PLXND1: variants seen among roughly 807,000 people sequenced by gnomAD.
PLXND1 encodes the protein plexin D1.
In PLXND1, 54 loss-of-function variants were observed where a neutral mutation model predicts 197.7. The observed-to-expected ratio is 0.27, with a 90% CI of 0.22 to 0.34. PLXND1 has a LOEUF of 0.34. Ranked by LOEUF, PLXND1 falls within the 10% of genes least tolerant of loss-of-function variation. PLXND1 has a pLI of 1.00. For missense variants in PLXND1, 2,127 were observed against 2,699.2 expected, an observed-to-expected ratio of 0.79 and a Z score of 4.70; for synonymous variants, 1,180 against 1,161.2, an observed-to-expected ratio of 1.02 and a Z score of -0.33.
intron 8 of PLXND1, among the ~76,000 whole-genome samples, chr3:129,583,289 C>T (rs1172616556): frequency 3.3e-5 from 5 of 152,070 alleles, no homozygotes; most frequent in East Asian, 1.9e-4. Context: ...GCCACACTAC[C>T]AGCCCAACAG....
chr3:129,575,215 C>G (rs1210162335), intron 11 of PLXND1, among the ~76,000 whole-genome samples: 1 of 152,224 alleles, frequency 6.6e-6, no homozygotes, highest in Non-Finnish European at 1.5e-5. Flanking sequence ...ACAAGCTCTG[C>G]AGAGGGACTG....
chr3:129,560,937 G>A, intron 29 of PLXND1: 1 of 672,724 alleles, frequency 1.5e-6, no homozygotes. Context: ...AGACGCATGG[G>A]GAGACTGAGT....
At chr3:129,578,974 G>A (rs1458255520) in intron 8 of PLXND1, among the ~76,000 whole-genome samples, 3 of 152,174 alleles carry the variant, frequency 2.0e-5, no homozygotes, top group East Asian at 1.9e-4. Context: ...AGATACCACC[G>A]GTCTCCAGGG....
At chr3:129,596,818 G>A (rs2085631801) in intron 1 of PLXND1, among the ~76,000 whole-genome samples, 1 of 152,200 alleles carries the variant, frequency 6.6e-6, no homozygotes, top group Non-Finnish European at 1.5e-5. Context: ...TGGTCCCAGA[G>A]TCATCGCACG....
At chr3:129,588,489 A>G (rs2085491851) in intron 2 of PLXND1, among the ~76,000 whole-genome samples, 1 of 152,134 alleles carries the variant, frequency 6.6e-6, no homozygotes, top group Non-Finnish European at 1.5e-5. Context: ...TCTGACCCCA[A>G]ACCACGAGCC....
chr3:129,567,507 G>A lies in PLXND1; in HGVS notation c.4071C>T (p.Arg1357=), dbSNP rs1294786180. The A allele has an allele frequency of 3.7e-6, 6 of 1,600,014 alleles. No homozygotes were observed. Among genetic ancestry groups the A allele is most frequent in the South Asian group, 3.3e-5 (3 of 89,704 alleles). The change falls in exon 22 of 36, where the codon CGC becomes CGT. Residue 1357 remains arginine (R), a synonymous_variant. Coordinates refer to ENST00000324093, the MANE Select transcript of PLXND1 (RefSeq NM_015103.3). ...PFLEYKHFVT[R]TFFPKCSSLY... Reference sequence around the variant, plus strand: ...TCGGGCTGACCTTGGGGAAGAAGGTGCGGGTCACGAAGTGCTTATACTCCA... The same window carrying A: ...TCGGGCTGACCTTGGGGAAGAAGGTACGGGTCACGAAGTGCTTATACTCCA...
intron 1 of PLXND1, among the ~76,000 whole-genome samples, chr3:129,600,954 C>T (rs891948239): frequency 5.3e-5 from 8 of 152,080 alleles, no homozygotes; most frequent in Admixed American, 2.0e-4. Flanking sequence ...CTGACATTGG[C>T]CTGTCGGTAT....
At position 129,560,356 on chromosome 3, in the gene PLXND1, A is replaced by G; in HGVS notation, c.5107T>C (p.Tyr1703His). 14 of 1,613,416 alleles carry G rather than the reference A, an allele frequency of 8.7e-6. No individual in the cohort carries two copies. Among genetic ancestry groups the G allele is most frequent in the Non-Finnish European group, 1.2e-5 (14 of 1,179,340 alleles). Reference protein sequence around the residue: ...SHRKKVLPEIYLTRLLSTKGT... With the variant: ...SHRKKVLPEIHLTRLLSTKGT... ...TTGGTGGAGAGCAGGCGGGTCAGGT[A>G]GATTTCCGGGAGCACCTTCTTGCGA... The change falls in exon 31 of 36, where the codon TAC (tyrosine) becomes CAC (histidine). Residue 1703 changes from tyrosine (Y) to histidine (H), a missense_variant. Transcript: ENST00000324093.
At chr3:129,572,543 C>T (rs2085249375) in intron 15 of PLXND1, 66 bp downstream of exon 15, 2 of 1,367,904 alleles carry the variant, frequency 1.5e-6, no homozygotes, top group South Asian at 1.7e-5. Context: ...TCACCTCCAG[C>T]CCGCCAGCCC....
At chr3:129,568,611 C>T (rs145909997) in intron 20 of PLXND1, among the ~76,000 whole-genome samples, 34 of 152,284 alleles carry the variant, frequency 2.2e-4, no homozygotes, top group Middle Eastern at 3.4e-3. Flanking sequence ...TACAGTGGCG[C>T]GATCACATCT....
At chr3:129,583,729 C>T in intron 7 of PLXND1, 60 bp from the exon 8 acceptor site, 2 of 1,146,650 alleles carry the variant, frequency 1.7e-6, no homozygotes, top group Non-Finnish European at 2.6e-6. Flanking sequence ...ATCCCTGTCC[C>T]AGGAACTAGA....
rs539048805 is a variant in PLXND1 at position 129,565,330 on chromosome 3, G to A, written c.4521+10C>T. The A allele has an allele frequency of 9.3e-6, 15 of 1,611,966 alleles. No homozygotes were observed. The highest frequency in any genetic ancestry group is 1.3e-5 in the Non-Finnish European group (15 of 1,178,370). On this transcript the variant is annotated intron_variant, in intron 25 of 35. Coordinates refer to ENST00000324093, the MANE Select transcript of PLXND1 (RefSeq NM_015103.3). Reference sequence around the variant, plus strand: ...CCGCCTGGGCTCTGTCTGTCCCCAGGCAGCCTCACCCGCAGACAGCTGTAC... The same window carrying A: ...CCGCCTGGGCTCTGTCTGTCCCCAGACAGCCTCACCCGCAGACAGCTGTAC...
At chr3:129,562,641 T>A in intron 27 of PLXND1, 146 bp downstream of exon 27, 1 of 687,296 alleles carries the variant, frequency 1.5e-6, no homozygotes, top group South Asian at 2.1e-5. Context: ...GAGTAAGAGC[T>A]TCTTGCTGAG....
chr3:129,572,785 G>GC (rs2085254870), intron 14 of PLXND1, 37 bp from the exon 15 acceptor site: 1 of 1,607,494 alleles, frequency 6.2e-7, no homozygotes, highest in Non-Finnish European at 8.5e-7. Flanking sequence ...CCTCGGGCCA[G>GC]CCCCCGGGAG....
At chr3:129,566,501 C>T in intron 23 of PLXND1, 26 bp downstream of exon 23, 1 of 1,413,152 alleles carries the variant, frequency 7.1e-7, no homozygotes. Flanking sequence ...AAGCAGCCCA[C>T]TGTGTGTGGG....
In PLXND1 at chr3:129,572,908, T is replaced by G. The variant is rs2244708; in HGVS notation, c.2871A>C (p.Pro957=). The change falls in exon 14 of 36, where the codon CCA becomes CCC. Residue 957 remains proline, a synonymous_variant. Transcript: ENST00000324093. ...IVCVTGPAPG[P]LSGVVTVNAS... is the part of the protein sequence containing the mutation. ...CGTTCACGGTCACCACACCTGAGAG[T>G]GGTCCTGGGGCTGGCCCTGTGACAC... The G allele has an allele frequency of 2.5e-6, 4 of 1,613,218 alleles. No homozygotes were observed. Among genetic ancestry groups the G allele is most frequent in the Non-Finnish European group, 3.4e-6 (4 of 1,179,662 alleles).
At chr3:129,599,933 TC>T (rs2085683086) in intron 1 of PLXND1, among the ~76,000 whole-genome samples, 1 of 152,172 alleles carries the variant, frequency 6.6e-6, no homozygotes, top group African/African-American at 2.4e-5. Context: ...GGCCTCAGTT[TC>T]CCCTTCTGTA....
At position 129,560,425 on chromosome 3, in the gene PLXND1, T is replaced by C. The variant is rs142517704; in HGVS notation, c.5038A>G (p.Thr1680Ala). Residue 1680 changes from threonine to alanine, a missense_variant, in exon 31 of 36, where the codon ACG becomes GCG. Thr to Ala is a moderately conservative substitution (Grantham distance 58). Around this residue, in one of 6 missense-constraint regions of PLXND1, gnomAD observed 53 missense variants for 41.4 expected, o/e 1.28. Transcript: ENST00000324093. ...TEKYFHLVLP[T>A]DELAEPKKSH... is the part of the protein sequence containing the mutation. The stretch of plus-strand genomic sequence containing the variant: ...TTCTTGGGCTCCGCCAGCTCGTCCG[T>C]AGGCAGCACCTGGGAGGCCGGGCAG... The C allele has an allele frequency of 3.1e-5, 50 of 1,612,564 alleles. No homozygotes were observed. Among genetic ancestry groups the C allele is most frequent in the African/African-American group, 4.0e-5 (3 of 75,010 alleles).
At chr3:129,585,760 G>T (rs1283681153) in intron 5 of PLXND1, among the ~76,000 whole-genome samples, 192 bp downstream of exon 5, 1 of 152,238 alleles carries the variant, frequency 6.6e-6, no homozygotes, top group African/African-American at 2.4e-5. Context: ...GGAGGTGGAC[G>T]TCAAGCACAG....
Sources: allele counts gnomAD v4.1 joint callset (sites outside exome capture counted in the v4.1 genomes callset), GRCh38; gene constraint gnomAD v4.1.1; regional missense constraint gnomAD v4.1.1; transcripts MANE v1.5; gene names NCBI Gene and HGNC (gene_info 2026-07-23, HGNC 2026-07-21).